Variants in SERPINB8 observed in about 807,000 individuals in gnomAD.
The protein encoded by SERPINB8 is serpin family B member 8.
SERPINB8 carries 25 observed loss-of-function variants against 35.3 expected under a neutral mutation model. That is an observed-to-expected ratio of 0.71 (90% confidence interval 0.52 to 0.99). The LOEUF is 0.99. Among genes scored for constraint, SERPINB8 ranks in the 50% least tolerant of loss-of-function variants. The probability of loss-of-function intolerance (pLI) is 0.00; values close to 1 mark genes in which losing one functional copy is unlikely to be tolerated. For synonymous variants in SERPINB8, 186 were observed against 160.8 expected (o/e 1.16, Z -1.19); for missense variants, 484 against 446.5 (o/e 1.08, Z -0.76).
intron 1 of SERPINB8, among the ~76,000 whole-genome samples, chr18:64,003,970 T>C (rs758551668): frequency 1.3e-5 from 2 of 152,170 alleles, no homozygotes; most frequent in Non-Finnish European, 2.9e-5. Flanking sequence ...TAAACAGAAT[T>C]AACCATTGCA....
At chr18:64,017,912 C>T (rs2050958067) in intron 7 of SERPINB8, among the ~76,000 whole-genome samples, 1 of 152,148 alleles carries the variant, frequency 6.6e-6, no homozygotes, top group Non-Finnish European at 1.5e-5. Context: ...TAGAGAAATA[C>T]TAGTTATAAT....
exon 2 of SERPINB8, chr18:64,005,437 G>T (rs200964986): frequency 0.59 from 89,942 of 151,938 alleles, 26,926 homozygotes; most frequent in East Asian, 0.69. Flanking sequence ...GGACCTTTGG[G>T]AGGTGATTAG....
Position 63,983,727 on chromosome 18 carries a change from G to T in SERPINB8, c.567+6G>T. On this transcript the variant is annotated splice_donor_region_variant and intron_variant, in intron 5 of 6. Coordinates refer to ENST00000397985, the MANE Select transcript of SERPINB8 (RefSeq NM_002640.4). ...TGCTCTTTAAAACCAACGAGGTAGG[G>T]AAAGATTTTTCAGATATACTGCTAC... 6.2e-7 allele frequency: 1 copy of T among 1,608,896 alleles called. No individual in the cohort carries two copies. The highest frequency in any genetic ancestry group is 2.2e-5 in the East Asian group (1 of 44,834).
intron 3 of SERPINB8, among the ~76,000 whole-genome samples, chr18:63,981,345 G>A (rs2050668561): frequency 6.6e-6 from 1 of 152,222 alleles, no homozygotes; most frequent in African/African-American, 2.4e-5. Context: ...TGTAGTTGGT[G>A]CTGGTGATGC....
At chr18:64,008,732 C>A (rs1326463299), downstream of SERPINB8, among the ~76,000 whole-genome samples, 1 of 151,868 alleles carries the variant, frequency 6.6e-6, no homozygotes, top group Non-Finnish European at 1.5e-5. Context: ...TTAAGTTATT[C>A]AAATATAATT....
chr18:63,971,180 C>A lies in SERPINB8; in HGVS notation c.-11+1010C>A, dbSNP rs371445199. 9.2e-5 allele frequency among the ~76,000 whole-genome samples: 14 copies of A among 152,290 alleles called. No individual in the cohort carries two copies. In the East Asian group the frequency reaches 1.7e-3, roughly 19 times the overall value. ...CCGTTTCGCGCGCGCGCTCTCCCCT[C>A]GCCCTCCTCTGTCTCTTCCTTTTAC... On this transcript the variant is annotated intron_variant, in intron 1 of 6. Transcript: ENST00000397985.
chr18:64,006,121 A>C (rs2050898914), downstream of SERPINB8, among the ~76,000 whole-genome samples: 2 of 152,190 alleles, frequency 1.3e-5, no homozygotes, highest in African/African-American at 2.4e-5. Flanking sequence ...AAGTTTTCTA[A>C]AGTCAGTGCT....
chr18:63,974,688 A>G (rs1267533374), intron 1 of SERPINB8, among the ~76,000 whole-genome samples: 2 of 150,764 alleles, frequency 1.3e-5, no homozygotes, highest in African/African-American at 5.0e-5. Flanking sequence ...TTTTAGAAAT[A>G]TTGGGTAAAG....
intron 1 of SERPINB8, among the ~76,000 whole-genome samples, chr18:63,994,532 C>T (rs2050839486): frequency 6.6e-6 from 1 of 152,246 alleles, no homozygotes; most frequent in Non-Finnish European, 1.5e-5. Context: ...TGCCAGTGGA[C>T]CCCGCAGGGC....
chr18:63,995,537 G>A (rs564793272), intron 1 of SERPINB8, among the ~76,000 whole-genome samples: 1 of 152,288 alleles, frequency 6.6e-6, no homozygotes, highest in East Asian at 1.9e-4. Flanking sequence ...ATGACTGCAT[G>A]TGTTCTTGGT....
intron 1 of SERPINB8, among the ~76,000 whole-genome samples, chr18:63,973,365 G>A (rs1011675331): frequency 6.6e-5 from 10 of 152,010 alleles, no homozygotes; most frequent in African/African-American, 1.9e-4. Flanking sequence ...AAATTTGTTT[G>A]AGTTCTTTGT....
chr18:63,985,495 T>G (rs2050740192), intron 6 of SERPINB8, among the ~76,000 whole-genome samples: 1 of 152,356 alleles, frequency 6.6e-6, no homozygotes, highest in Middle Eastern at 3.4e-3. Flanking sequence ...TGGAATATTA[T>G]TCTTTATTCT....
At chr18:64,017,465 T>TTGA (rs1164240879) in intron 7 of SERPINB8, among the ~76,000 whole-genome samples, 1 of 152,152 alleles carries the variant, frequency 6.6e-6, no homozygotes, top group Non-Finnish European at 1.5e-5. Flanking sequence ...TCTGATTGAC[T>TTGA]TGATGATGAT....
intron 1 of SERPINB8, among the ~76,000 whole-genome samples, chr18:63,972,973 T>C (rs1461392199): frequency 1.3e-5 from 2 of 152,210 alleles, no homozygotes; most frequent in Non-Finnish European, 2.9e-5. Flanking sequence ...GTCTTTGTAG[T>C]AGCATGATTT....
At chr18:63,985,009 C>T in intron 5 of SERPINB8, 84 bp from the exon 6 acceptor site, 2 of 1,370,354 alleles carry the variant, frequency 1.5e-6, no homozygotes, top group South Asian at 2.6e-5. Context: ...TTATACACAC[C>T]TAGAGTTTCT....
downstream of SERPINB8, among the ~76,000 whole-genome samples, chr18:64,008,436 A>G (rs1415538899): frequency 6.6e-6 from 1 of 150,778 alleles, no homozygotes; most frequent in African/African-American, 2.4e-5. Context: ...TTTACTAGAG[A>G]CAGGGTTTTA....
In SERPINB8 at chr18:63,988,874, C is replaced by T. The variant is rs1362222958; in HGVS notation, c.*1596C>T. ...ACTTCCACCTCTAATTTGAAGAACA[C>T]TTTAATTGACACAGAATACATTTCA... On this transcript the variant is annotated 3_prime_UTR_variant, in exon 7 of 7. Transcript: ENST00000397985. The T allele has an allele frequency of 2.0e-5, 3 of 152,206 alleles. No homozygotes were observed. The highest frequency in any genetic ancestry group is 6.5e-5 in the Admixed American group (1 of 15,292). The allele number at this position is 152,206 out of a possible 1,614,324, so 9.4% of individuals were successfully genotyped here. A position where few individuals can be genotyped will look rare whatever the true frequency, so the allele number is the denominator to read the frequency against.
chr18:63,985,051 T>A, intron 5 of SERPINB8, 42 bp from the exon 6 acceptor site: 1 of 1,605,908 alleles, frequency 6.2e-7, no homozygotes. Flanking sequence ...TTTAGTAAAT[T>A]ATACCCACTT....
At position 63,986,929 on chromosome 18, in the gene SERPINB8, T is replaced by A; in HGVS notation, c.776T>A (p.Leu259Ter). The change falls in exon 7 of 7, where the codon TTG becomes TAG. Residue 259 changes from leucine to a stop codon, truncating the protein, a stop_gained. Coordinates refer to ENST00000397985, the MANE Select transcript of SERPINB8 (RefSeq NM_002640.4). LOFTEE classifies it high-confidence loss of function. The stretch of plus-strand genomic sequence containing the variant: ...AAAGCCTGGACAAATTCAGAAAAGT[T>A]GACAAAAAGTAAGGTTCAAGTTTTC... ...KFKAWTNSEK[L>*]TKSKVQVFLP... is the part of the protein sequence containing the mutation. 1 of 1,613,664 alleles carries A rather than the reference T, an allele frequency of 6.2e-7. No homozygotes were observed. Among genetic ancestry groups the A allele is most frequent in the East Asian group, 2.2e-5 (1 of 44,882 alleles).
Sources: gnomAD v4.1 joint callset for allele counts (sites outside exome capture counted in the v4.1 genomes callset) on GRCh38, gnomAD v4.1.1 for gene constraint, MANE v1.5 for transcripts, NCBI Gene and HGNC (gene_info 2026-07-23, HGNC 2026-07-21) for gene names.